Variants in GPI observed in about 807,000 individuals in gnomAD.
GPI encodes the protein D-hexose-6-phosphate anomerase.
A neutral mutation model predicts 75.8 loss-of-function variants in GPI; 56 were observed. The observed-to-expected ratio is 0.74, with a 90% confidence interval of 0.60 to 0.92. GPI has a LOEUF of 0.92. Ranked by LOEUF, GPI falls within the 40% of genes least tolerant of loss-of-function variation. GPI has a pLI of 0.00. For missense variants in GPI, 638 were observed against 741.0 expected, an observed-to-expected ratio of 0.86 and a Z score of 1.61; for synonymous variants, 288 against 285.4, an observed-to-expected ratio of 1.01 and a Z score of -0.09.
chr19:34,396,863 T>C (rs1599857917), intron 14 of GPI, among the ~76,000 whole-genome samples: 1 of 152,068 alleles, frequency 6.6e-6, no homozygotes, highest in East Asian at 1.9e-4. Flanking sequence ...CAGGCTGGAG[T>C]GCAGTGGCAC....
intron 2 of GPI, 107 bp from the exon 3 acceptor site, chr19:34,366,676 G>A: frequency 1.2e-6 from 1 of 831,722 alleles, no homozygotes; most frequent in East Asian, 2.4e-5. Context: ...CCAGACAGCA[G>A]CCGTCTGTCT....
At position 34,378,977 on chromosome 19, in the gene GPI, A is replaced by G. The variant is rs1196478074; in HGVS notation, c.677A>G (p.Lys226Arg). The G allele has an allele frequency of 6.2e-7, 1 of 1,614,246 alleles. No homozygotes were observed. The highest frequency in any genetic ancestry group is 1.7e-5 in the Admixed American group (1 of 60,032). Reference protein sequence around the residue: ...QETITNAETAKEWFLQAAKDP... With the variant: ...QETITNAETAREWFLQAAKDP... ...ACCATCACGAATGCAGAGACGGCGA[A>G]GGAGTGGTTTCTCCAGGCGGCCAAG... The change falls in exon 7 of 18, where the codon AAG (lysine) becomes AGG (arginine). Residue 226 changes from lysine (K) to arginine (R), a missense_variant. By Grantham distance (26) the Lys-to-Arg change is conservative. Coordinates refer to ENST00000356487, the MANE Select transcript of GPI (RefSeq NM_000175.5).
chr19:34,377,631 G>A (rs1462779159), intron 5 of GPI, 45 bp downstream of exon 5: 1 of 1,580,374 alleles, frequency 6.3e-7, no homozygotes, highest in Non-Finnish European at 8.7e-7. Context: ...TCTGGGCACT[G>A]TTGGTCCCAC....
upstream of GPI, among the ~76,000 whole-genome samples, chr19:34,360,830 T>G (rs943230153): frequency 6.6e-6 from 1 of 152,208 alleles, no homozygotes; most frequent in African/African-American, 2.4e-5. Context: ...CAGGCCGGAG[T>G]GCAGTGGCAT....
chr19:34,369,197 C>T (rs1191227512), intron 4 of GPI, among the ~76,000 whole-genome samples: 6 of 151,842 alleles, frequency 4.0e-5, no homozygotes, highest in Non-Finnish European at 8.8e-5. Flanking sequence ...TACAATTATG[C>T]GCCACCCTGC....
intron 9 of GPI, among the ~76,000 whole-genome samples, chr19:34,382,165 G>T (rs557471772): frequency 6.6e-6 from 1 of 152,308 alleles, no homozygotes; most frequent in African/African-American, 2.4e-5. Context: ...GGGTGCAGGG[G>T]TGCAGTGCAG....
chr19:34,379,916 A>C, intron 8 of GPI: 1 of 373,210 alleles, frequency 2.7e-6, no homozygotes, highest in Non-Finnish European at 4.8e-6. Context: ...GATGCATTCC[A>C]TTTTTCACTT....
upstream of GPI, chr19:34,364,782 T>TGCTTATTTGGCACATATGTATCCACAGC: frequency 2.2e-6 from 1 of 459,098 alleles, no homozygotes; most frequent in East Asian, 3.5e-5. Flanking sequence ...CTGTTGTACT[T>TGCTTATTTGGCACATATGTATCCACAGC]GCTTATTTGG....
Position 34,365,647 on chromosome 19 carries a change from C to T in GPI, c.122+259C>T, listed in dbSNP as rs929551017. 45 of 645,406 alleles carry T rather than the reference C, an allele frequency of 7.0e-5. No individual in the cohort carries two copies. In the East Asian group the frequency reaches 1.4e-3, roughly 20 times the overall value. 40.0% of individuals were successfully genotyped at this position (645,406 alleles called of 1,614,324 possible). A position where few individuals can be genotyped will look rare whatever the true frequency, so the allele number is the denominator to read the frequency against. On this transcript the variant is annotated intron_variant, in intron 1 of 17. Transcript: ENST00000356487. ...GGAAAAACGGGCCCCTCCGTGGGGACATTTCCCCTCCTCCTCCCCGTGCAG... is the reference window on the plus strand; with the variant it reads ...GGAAAAACGGGCCCCTCCGTGGGGATATTTCCCCTCCTCCTCCCCGTGCAG...
At chr19:34,367,694 G>A (rs1298288542) in intron 3 of GPI, among the ~76,000 whole-genome samples, 2 of 152,132 alleles carry the variant, frequency 1.3e-5, no homozygotes, top group African/African-American at 4.8e-5. Flanking sequence ...TTTCACTCAC[G>A]TGGCTGGGCC....
intron 4 of GPI, among the ~76,000 whole-genome samples, chr19:34,369,004 GC>G (rs2074409745): frequency 6.6e-6 from 1 of 151,922 alleles, no homozygotes; most frequent in Non-Finnish European, 1.5e-5. Flanking sequence ...GAAAAGTGGG[GC>G]CCCTGAGAGA....
chr19:34,360,609 C>T (rs1165974551), upstream of GPI, among the ~76,000 whole-genome samples: 2 of 151,928 alleles, frequency 1.3e-5, no homozygotes, highest in African/African-American at 4.8e-5. Context: ...ACTAATAAGA[C>T]ATAACTGGGA....
In GPI at chr19:34,400,405, G is replaced by A. The variant is rs1371127614; in HGVS notation, c.*369G>A. On this transcript the variant is annotated 3_prime_UTR_variant, in exon 18 of 18. Coordinates refer to ENST00000356487, the MANE Select transcript of GPI (RefSeq NM_000175.5). The stretch of plus-strand genomic sequence containing the variant: ...AGCAGAGGGCAGGAGCGCTCAGCAG[G>A]ACGCAGGCTGTGCCTCTGCGGACAC... 1.7e-6 allele frequency: 1 copy of A among 594,172 alleles called. No individual in the cohort carries two copies. Among genetic ancestry groups the A allele is most frequent in the Non-Finnish European group, 3.0e-6 (1 of 335,456 alleles). The allele number at this position is 594,172 out of a possible 1,614,324, so 36.8% of individuals were successfully genotyped here. A position where few individuals can be genotyped will look rare whatever the true frequency, so the allele number is the denominator to read the frequency against.
intron 4 of GPI, among the ~76,000 whole-genome samples, chr19:34,375,163 G>T (rs1178866469): frequency 4.7e-5 from 6 of 127,904 alleles, no homozygotes. Context: ...TTTTTTTTAA[G>T]ACGGAGTCTT....
intron 9 of GPI, among the ~76,000 whole-genome samples, chr19:34,389,306 C>T (rs1360280286): frequency 6.6e-6 from 1 of 152,126 alleles, no homozygotes; most frequent in Non-Finnish European, 1.5e-5. Flanking sequence ...CTCTGCACTC[C>T]CCAGTCCATC....
At chr19:34,360,277 T>C (rs1303562469), upstream of GPI, among the ~76,000 whole-genome samples, 2 of 152,114 alleles carry the variant, frequency 1.3e-5, no homozygotes, top group Non-Finnish European at 2.9e-5. Flanking sequence ...ATTGTACTGA[T>C]GGTGATAGAC....
At position 34,370,505 on chromosome 19, in the gene GPI, G is replaced by A. The variant is rs1306704861; in HGVS notation, c.402+1803G>A. Among the ~76,000 whole-genome samples, 4 of 152,106 alleles carry A rather than the reference G, an allele frequency of 2.6e-5. No homozygotes were observed. In the East Asian group the frequency reaches 7.7e-4, roughly 29 times the overall value. On this transcript the variant is annotated intron_variant, in intron 4 of 17. Coordinates refer to ENST00000356487, the MANE Select transcript of GPI (RefSeq NM_000175.5). ...AGGCTGAGGCAGGTGGATCATGTGAGGTCGGGAGTTTGAGATCAGCCTGAT... is the reference window on the plus strand; with the variant it reads ...AGGCTGAGGCAGGTGGATCATGTGAAGTCGGGAGTTTGAGATCAGCCTGAT...
At chr19:34,378,247 G>A (rs1460328826) in intron 6 of GPI, among the ~76,000 whole-genome samples, 1 of 152,188 alleles carries the variant, frequency 6.6e-6, no homozygotes, top group African/African-American at 2.4e-5. Flanking sequence ...AGGCTGGAGT[G>A]TAGTGGCGTG....
rs574390655 is a variant in GPI, at chr19:34,385,444, A to G, written c.804+3925A>G. Among the ~76,000 whole-genome samples the G allele has an allele frequency of 1.1e-4, 17 of 151,522 alleles. 1 individual carries two copies. The South Asian group carries it at 3.3e-3, about 30-fold the overall frequency. ...TGAGGAGCTGTGGCCAGGTACAGGT[A>G]TGTAGGTATGTGGAATTGAGTTTCT... On this transcript the variant is annotated intron_variant, in intron 9 of 17. Transcript: ENST00000356487.
Sources: allele counts gnomAD v4.1 joint callset (sites outside exome capture counted in the v4.1 genomes callset), GRCh38; gene constraint gnomAD v4.1.1; transcripts MANE v1.5; gene names NCBI Gene and HGNC (gene_info 2026-07-23, HGNC 2026-07-21).